LRRC7: variants seen among roughly 807,000 people sequenced by gnomAD.
The protein encoded by LRRC7 is leucine-rich repeat-containing protein 7.
Under a neutral mutation model 175.7 loss-of-function variants are expected in LRRC7, and 23 were observed. The ratio of observed to expected loss-of-function variants is 0.13; its 90% CI spans 0.09 to 0.19. The LOEUF is 0.19. Ranked by LOEUF, LRRC7 falls within the 10% of genes least tolerant of loss-of-function variation. The pLI, the probability that LRRC7 is intolerant of heterozygous loss-of-function variation, is 1.00. For missense variants in LRRC7, 1,354 were observed against 1,904.7 expected (o/e 0.71, Z 5.38); for synonymous variants, 685 against 680.9 (o/e 1.01, Z -0.09).
intron 4 of LRRC7, among the ~76,000 whole-genome samples, chr1:69,793,738 TTTG>T (rs1675397626): frequency 6.6e-6 from 1 of 152,102 alleles, no homozygotes; most frequent in Non-Finnish European, 1.5e-5. Flanking sequence ...CCCTGAATTT[TTTG>T]TTGTTCTTTT....
intron 22 of LRRC7, among the ~76,000 whole-genome samples, chr1:70,051,115 A>C (rs2102058857): frequency 6.6e-6 from 1 of 152,164 alleles, no homozygotes; most frequent in Non-Finnish European, 1.5e-5. Context: ...GACTAAAAGG[A>C]TTTCACATTT....
At chr1:69,817,584 C>T (rs868350081) in intron 4 of LRRC7, among the ~76,000 whole-genome samples, 4 of 151,860 alleles carry the variant, frequency 2.6e-5, no homozygotes, top group South Asian at 2.1e-4. Flanking sequence ...GCTTTTTCTT[C>T]TTGCTCAAAA....
intron 23 of LRRC7, among the ~76,000 whole-genome samples, chr1:70,062,533 T>C (rs1167770228): frequency 6.6e-6 from 1 of 152,040 alleles, no homozygotes; most frequent in African/African-American, 2.4e-5. Context: ...CTGCAAATTA[T>C]TGATATAAGA....
At chr1:69,845,681 T>C (rs1314354559) in intron 7 of LRRC7, among the ~76,000 whole-genome samples, 1 of 152,110 alleles carries the variant, frequency 6.6e-6, no homozygotes, top group East Asian at 1.9e-4. Flanking sequence ...TTTATCTCAC[T>C]TGGCATTATG....
intron 2 of LRRC7, among the ~76,000 whole-genome samples, chr1:69,757,834 T>G (rs1670601416): frequency 6.6e-6 from 1 of 151,952 alleles, no homozygotes; most frequent in East Asian, 1.9e-4. Flanking sequence ...TCAGCTCTAT[T>G]GCATCACTGG....
At position 70,132,535 on chromosome 1, in the gene LRRC7, G is replaced by T. The variant is rs1437470663; in HGVS notation, c.*10648G>T. Among the ~76,000 whole-genome samples the T allele has an allele frequency of 2.3e-5, 3 of 127,686 alleles. No individual in the cohort carries two copies. Among genetic ancestry groups the T allele is most frequent in the South Asian group, 2.6e-4 (1 of 3,848 alleles). 83.8% of individuals were successfully genotyped at this position (127,686 alleles called of 152,430 possible). A position where few individuals can be genotyped will look rare whatever the true frequency, so the allele number is the denominator to read the frequency against. ...GCTGGAGGCTGGAGTGCAGTGGCAC[G>T]ATCTCAGCTTACTGCAACCTCCGCC... On this transcript the variant is annotated 3_prime_UTR_variant, in exon 27 of 27. Coordinates refer to ENST00000651989, the MANE Select transcript of LRRC7 (RefSeq NM_001370785.2).
intron 3 of LRRC7, among the ~76,000 whole-genome samples, chr1:69,764,405 T>C (rs568816322): frequency 6.6e-6 from 1 of 152,042 alleles, no homozygotes; most frequent in East Asian, 1.9e-4. Flanking sequence ...AAAGCCAACA[T>C]ATGACTAAAA....
chr1:70,023,472 T>C (rs1571053943), intron 17 of LRRC7, 98 bp downstream of exon 17: 2 of 1,255,464 alleles, frequency 1.6e-6, no homozygotes, highest in East Asian at 2.7e-5. Flanking sequence ...GGGTAAGAAA[T>C]GTTGATCACA....
intron 7 of LRRC7, among the ~76,000 whole-genome samples, chr1:69,860,850 A>G (rs1307716159): frequency 3.3e-5 from 5 of 152,078 alleles, no homozygotes; most frequent in Admixed American, 1.3e-4. Flanking sequence ...ATATGATAAA[A>G]GTGTTATCTC....
intron 11 of LRRC7, among the ~76,000 whole-genome samples, chr1:70,002,706 A>G (rs1232093790): frequency 1.3e-5 from 2 of 152,166 alleles, no homozygotes; most frequent in Non-Finnish European, 2.9e-5. Context: ...TTCATGTCTC[A>G]GAGCCACATT....
intron 9 of LRRC7, among the ~76,000 whole-genome samples, chr1:69,980,790 ATT>A (rs1285852033): frequency 4.6e-5 from 7 of 152,134 alleles, no homozygotes; most frequent in Non-Finnish European, 1.0e-4. Flanking sequence ...ACCAAGTTTT[ATT>A]TTTACAAAAT....
chr1:69,670,856 T>C (rs913404900), intron 1 of LRRC7, among the ~76,000 whole-genome samples: 1 of 152,072 alleles, frequency 6.6e-6, no homozygotes, highest in African/African-American at 2.4e-5. Context: ...CAAGGGCTCT[T>C]TATTCAGTTT....
At chr1:69,650,527 G>C (rs1655657774) in intron 1 of LRRC7, among the ~76,000 whole-genome samples, 1 of 55,250 alleles carries the variant, frequency 1.8e-5, no homozygotes, top group Non-Finnish European at 3.3e-5. Flanking sequence ...GCGAAAAAGA[G>C]AGACTCCGTC....
intron 26 of LRRC7, among the ~76,000 whole-genome samples, chr1:70,113,021 G>C (rs1260138509): frequency 2.6e-5 from 4 of 152,092 alleles, no homozygotes; most frequent in Non-Finnish European, 5.9e-5. Flanking sequence ...GAGATGAGTT[G>C]GAGCGAGGCT....
chr1:70,025,494 T>C lies in LRRC7; in HGVS notation c.1794+2120T>C, dbSNP rs145824252. ...CAAGATCACCAAAGGAATCCAGATT[T>C]TTAAAATACATTAAGTAAAATGTGA... On this transcript the variant is annotated intron_variant, in intron 17 of 26. Transcript: ENST00000651989. 8.0e-3 allele frequency among the ~76,000 whole-genome samples: 1,219 copies of C among 152,130 alleles called. 15 individuals are homozygous for C. Among genetic ancestry groups the C allele is most frequent in the African/African-American group, 0.026 (1,073 of 41,554 alleles).
At chr1:70,005,486 C>G (rs1287847585) in intron 11 of LRRC7, among the ~76,000 whole-genome samples, 1 of 152,078 alleles carries the variant, frequency 6.6e-6, no homozygotes, top group African/African-American at 2.4e-5. Flanking sequence ...TAATATTTTC[C>G]TATCCAAGAG....
intron 23 of LRRC7, among the ~76,000 whole-genome samples, chr1:70,073,330 A>C (rs538708412): frequency 6.6e-5 from 10 of 152,280 alleles, no homozygotes; most frequent in African/African-American, 2.2e-4. Context: ...CTGTCCTATC[A>C]GAAGAAAAAA....
rs200651554 is a variant in LRRC7, at chr1:69,602,042, G to T, written c.2+33401G>T. Reference sequence around the variant, plus strand: ...TTATATACCTGTCATTTAGTTCAACGAGAATCTTAAGAAGTTGGAAGGGCA... The same window carrying T: ...TTATATACCTGTCATTTAGTTCAACTAGAATCTTAAGAAGTTGGAAGGGCA... On this transcript the variant is annotated intron_variant, in intron 1 of 26. Transcript: ENST00000651989. Among the ~76,000 whole-genome samples the T allele has an allele frequency of 2.7e-4, 41 of 152,194 alleles. No homozygotes were observed. The East Asian group carries it at 7.5e-3, about 28-fold the overall frequency.
rs894357422 is a variant in LRRC7 at position 70,132,470 on chromosome 1, T to C, written c.*10583T>C. Among the ~76,000 whole-genome samples the C allele has an allele frequency of 1.5e-5, 2 of 134,708 alleles. No homozygotes were observed. The highest frequency in any genetic ancestry group is 5.6e-5 in the African/African-American group (2 of 36,008). 88.4% of individuals were successfully genotyped at this position (134,708 alleles called of 152,430 possible). A position where few individuals can be genotyped will look rare whatever the true frequency, so the allele number is the denominator to read the frequency against. ...TTCTTTTCTTTTCTTTTTTTTTTTT[T>C]TTTTTTTTTTTTTGAGACGGAGTCT... On this transcript the variant is annotated 3_prime_UTR_variant, in exon 27 of 27. Transcript: ENST00000651989.
Sources: gnomAD v4.1 joint callset for allele counts (sites outside exome capture counted in the v4.1 genomes callset) on GRCh38, gnomAD v4.1.1 for gene constraint, MANE v1.5 for transcripts, NCBI Gene and HGNC (gene_info 2026-07-23, HGNC 2026-07-21) for gene names.